Variants in CSGALNACT1 observed in about 807,000 individuals in gnomAD.
CSGALNACT1 encodes the protein chondroitin sulfate N-acetylgalactosaminyltransferase 1.
CSGALNACT1 carries 52 observed loss-of-function variants against 51.0 expected under a neutral mutation model. The observed-to-expected ratio is 1.02, with a 90% CI of 0.82 to 1.29. CSGALNACT1 has a LOEUF of 1.29. Ranked by LOEUF, CSGALNACT1 falls within the 50% of genes most tolerant of loss-of-function variation. The pLI, the probability that CSGALNACT1 is intolerant of heterozygous loss-of-function variation, is 0.00. For synonymous variants in CSGALNACT1, 341 were observed against 254.4 expected, an observed-to-expected ratio of 1.34 and a Z score of -3.24; for missense variants, 935 against 679.2, an observed-to-expected ratio of 1.38 and a Z score of -4.19.
At chr8:19,612,248 C>T (rs557266042) in intron 1 of CSGALNACT1, among the ~76,000 whole-genome samples, 3 of 151,798 alleles carry the variant, frequency 2.0e-5, no homozygotes, top group Admixed American at 6.6e-5. Flanking sequence ...GTGCCTGAGG[C>T]GAGAGAATTG....
At chr8:19,593,798 G>T (rs2048329219) in intron 2 of CSGALNACT1, among the ~76,000 whole-genome samples, 1 of 152,114 alleles carries the variant, frequency 6.6e-6, no homozygotes, top group Admixed American at 6.5e-5. Flanking sequence ...ATCACTTTTT[G>T]GGACTGATTC....
chr8:19,483,352 G>C (rs73585541), intron 4 of CSGALNACT1, among the ~76,000 whole-genome samples: 2 of 152,184 alleles, frequency 1.3e-5, no homozygotes, highest in African/African-American at 4.8e-5. Flanking sequence ...CATTATGTCT[G>C]GTTCTCAGTG....
intron 1 of CSGALNACT1, among the ~76,000 whole-genome samples, chr8:19,675,024 C>G (rs2060075898): frequency 6.6e-6 from 1 of 152,104 alleles, no homozygotes; most frequent in Non-Finnish European, 1.5e-5. Flanking sequence ...TTGACATCAT[C>G]TAGATGAAGA....
At chr8:19,597,294 T>A (rs1588883202) in intron 2 of CSGALNACT1, among the ~76,000 whole-genome samples, 1 of 128,456 alleles carries the variant, frequency 7.8e-6, no homozygotes, top group East Asian at 2.2e-4. Flanking sequence ...TCTTTTTTTT[T>A]TTTTTTTTTT....
chr8:19,414,439 C>T (rs760004720), intron 8 of CSGALNACT1, among the ~76,000 whole-genome samples: 8 of 152,118 alleles, frequency 5.3e-5, no homozygotes, highest in Non-Finnish European at 8.8e-5. Context: ...CCTTTCTCAG[C>T]GAACTGTTTC....
At chr8:19,407,901 T>G (rs558904010) in intron 9 of CSGALNACT1, among the ~76,000 whole-genome samples, 6 of 142,952 alleles carry the variant, frequency 4.2e-5, no homozygotes, top group African/African-American at 1.6e-4. Context: ...TTTGTGTATA[T>G]GAATTGTGTG....
intron 1 of CSGALNACT1, among the ~76,000 whole-genome samples, chr8:19,748,206 C>T (rs1200376363): frequency 6.6e-6 from 1 of 152,088 alleles, no homozygotes; most frequent in African/African-American, 2.4e-5. Context: ...AAACTATTAC[C>T]TTTCCGGTAA....
In CSGALNACT1 at chr8:19,670,198, T is replaced by C. The variant is rs549725967; in HGVS notation, c.-544+12275A>G. ...TGTTTTTGCACTTATAATCCCACTT[T>C]GGAGAGTTCAGGGACTATTTTTAAA... is the stretch of plus-strand genomic sequence containing the variant. On this transcript the variant is annotated intron_variant, in intron 1 of 9. Transcript: ENST00000332246. Among the ~76,000 whole-genome samples the C allele has an allele frequency of 7.2e-4, 110 of 152,296 alleles. 1 individual carries two copies. The South Asian group carries it at 0.021, about 29-fold the overall frequency.
chr8:19,708,905 T>C (rs1423737278), intron 1 of CSGALNACT1, among the ~76,000 whole-genome samples: 1 of 152,208 alleles, frequency 6.6e-6, no homozygotes, highest in East Asian at 1.9e-4. Context: ...AATTCCATCA[T>C]GTACCACATA....
chr8:19,750,204 G>T (rs550853336), intron 1 of CSGALNACT1, among the ~76,000 whole-genome samples: 14 of 152,076 alleles, frequency 9.2e-5, no homozygotes, highest in Non-Finnish European at 5.9e-5. Flanking sequence ...TACACCATAG[G>T]TACCTCTCTT....
At chr8:19,640,961 C>A (rs2056668075) in intron 1 of CSGALNACT1, among the ~76,000 whole-genome samples, 1 of 151,670 alleles carries the variant, frequency 6.6e-6, no homozygotes, top group Non-Finnish European at 1.5e-5. Flanking sequence ...GGAATGAAAC[C>A]ATAGAGAAAC....
rs375212054 is a variant in CSGALNACT1, at chr8:19,503,228, G to T, written c.634+1973C>A. On this transcript the variant is annotated intron_variant, in intron 4 of 9. Transcript: ENST00000454498. ...GTTGACTAGACTTTCACCAAATATG[G>T]AAGACACATGTGGGTCTGTCTGCCT... Among the ~76,000 whole-genome samples, 6 of 152,116 alleles carry T rather than the reference G, an allele frequency of 3.9e-5. 1 individual carries two copies. Among genetic ancestry groups the T allele is most frequent in the Admixed American group, 3.3e-4 (5 of 15,272 alleles).
intron 3 of CSGALNACT1, among the ~76,000 whole-genome samples, chr8:19,558,423 G>T (rs961902031): frequency 6.6e-6 from 1 of 152,096 alleles, no homozygotes; most frequent in African/African-American, 2.4e-5. Flanking sequence ...TTTACAGTTA[G>T]GGATTTAAGG....
intron 4 of CSGALNACT1, among the ~76,000 whole-genome samples, chr8:19,478,427 A>G (rs1051011853): frequency 2.0e-5 from 3 of 151,618 alleles, no homozygotes; most frequent in Non-Finnish European, 4.4e-5. Flanking sequence ...AAAAAAAAAA[A>G]AAAAAAAAAA....
intron 1 of CSGALNACT1, among the ~76,000 whole-genome samples, chr8:19,694,081 G>A (rs1422886232): frequency 6.6e-6 from 1 of 151,550 alleles, no homozygotes; most frequent in Non-Finnish European, 1.5e-5. Flanking sequence ...TTATATTATT[G>A]AGTTTACATT....
intron 1 of CSGALNACT1, chr8:19,688,667 T>C (rs57989452): frequency 0.058 from 8,791 of 152,304 alleles, 848 homozygotes; most frequent in African/African-American, 0.2. Flanking sequence ...ATAAAATAGA[T>C]AGGAATATGA....
chr8:19,682,212 G>A (rs910748473), intron 1 of CSGALNACT1, among the ~76,000 whole-genome samples: 1 of 152,096 alleles, frequency 6.6e-6, no homozygotes, highest in African/African-American at 2.4e-5. Flanking sequence ...TAGACACATG[G>A]AATGTGAGCC....
rs545314914 is a variant in CSGALNACT1, at chr8:19,578,726, G to A, written c.-297+12434C>T. Among the ~76,000 whole-genome samples the A allele has an allele frequency of 3.3e-5, 5 of 152,098 alleles. No homozygotes were observed. The East Asian group carries it at 7.7e-4, about 24-fold the overall frequency. The stretch of plus-strand genomic sequence containing the variant: ...AAGCTGTCTCTATTTTCTCTCTCCC[G>A]ATTCCTCAGTCTGACTCAGTCTGAC... On this transcript the variant is annotated intron_variant, in intron 3 of 9. Coordinates refer to ENST00000454498, the Ensembl canonical transcript of CSGALNACT1.
intron 5 of CSGALNACT1, among the ~76,000 whole-genome samples, chr8:19,449,348 T>A (rs1266145309): frequency 6.6e-6 from 1 of 152,142 alleles, no homozygotes; most frequent in African/African-American, 2.4e-5. Flanking sequence ...TGAAATGGCC[T>A]ATGGGAGAGG....
Sources: gnomAD v4.1 joint callset for allele counts (sites outside exome capture counted in the v4.1 genomes callset) on GRCh38, gnomAD v4.1.1 for gene constraint, MANE v1.5 for transcripts, NCBI Gene and HGNC (gene_info 2026-07-23, HGNC 2026-07-21) for gene names.